The following NAPA variants were observed in gnomAD, a reference collection of about 807,000 sequenced individuals.
The protein encoded by NAPA is NSF attachment protein alpha, also known as alpha-soluble NSF attachment protein.
NAPA carries 18 observed loss-of-function variants against 48.0 expected under a neutral mutation model. That is an observed-to-expected ratio of 0.38 (90% CI 0.26 to 0.56). The LOEUF is 0.56. Ranked by LOEUF, NAPA falls within the 20% of genes least tolerant of loss-of-function variation. NAPA has a pLI of 0.77. For missense variants in NAPA, 315 were observed against 385.0 expected (o/e 0.82, Z 1.52); for synonymous variants, 152 against 149.9 (o/e 1.01, Z -0.10).
chr19:47,489,654 C>A, intron 10 of NAPA, 57 bp downstream of exon 10: 2 of 1,594,436 alleles, frequency 1.3e-6, no homozygotes, highest in Admixed American at 1.7e-5. Context: ...AGAAGGGCAG[C>A]TTTCCTAGGA....
rs1483586208 is a variant in NAPA at position 47,492,049 on chromosome 19, AG to A, written c.631del (p.Leu211SerfsTer33). The A allele has an allele frequency of 1.9e-6, 3 of 1,613,964 alleles. No homozygotes were observed. The highest frequency in any genetic ancestry group is 2.5e-6 in the Non-Finnish European group (3 of 1,179,976). On this transcript the variant is annotated frameshift_variant, in exon 8 of 11. Coordinates refer to ENST00000263354, the MANE Select transcript of NAPA (RefSeq NM_003827.4). LOFTEE classifies it high-confidence loss of function. ...SAKDYFFKAA[L>X]CHFCIDMLNA... ...GAGCATGTCGATGCAGAAGTGGCAG[AG>A]GGCCGCCTTGAAGAAGTAGTCTTTG...
rs1331702443 is a variant in NAPA at position 47,493,180 on chromosome 19, G to A, written c.421-6C>T. 1 of 1,583,488 alleles carries A rather than the reference G, an allele frequency of 6.3e-7. No individual in the cohort carries two copies. Among genetic ancestry groups the A allele is most frequent in the East Asian group, 2.2e-5 (1 of 44,554 alleles). On this transcript the variant is annotated splice_region_variant and splice_polypyrimidine_tract_variant and intron_variant, in intron 5 of 10. Coordinates refer to ENST00000263354, the MANE Select transcript of NAPA (RefSeq NM_003827.4). The surrounding 1 kb of genome is among the most constrained non-coding windows in gnomAD (Gnocchi z 6.4). Reference sequence around the variant, plus strand: ...TGCTCGTAGTGGGCAATGGCCTGGGGAGACACGGGGGATGGGTTCCAGGGG... The same window carrying A: ...TGCTCGTAGTGGGCAATGGCCTGGGAAGACACGGGGGATGGGTTCCAGGGG...
chr19:47,503,385 G>A (rs780146979), intron 2 of NAPA, 38 bp downstream of exon 2: 6 of 1,565,374 alleles, frequency 3.8e-6, no homozygotes, highest in East Asian at 2.2e-5. Flanking sequence ...GAGGGAGGAG[G>A]AGAGCACCTT....
Position 47,488,143 on chromosome 19 carries a change from C to T in NAPA, c.*145G>A. ...GCAGCCTGGGCCTCTGGCGCCCCTG[C>T]ATGCTGACCCCCGGTGCCACCTGCC... On this transcript the variant is annotated 3_prime_UTR_variant, in exon 11 of 11. Coordinates refer to ENST00000263354, the MANE Select transcript of NAPA (RefSeq NM_003827.4). 2.9e-6 allele frequency: 2 copies of T among 679,246 alleles called. No homozygotes were observed. The highest frequency in any genetic ancestry group is 5.0e-6 in the Non-Finnish European group (2 of 398,576). 42.1% of individuals were successfully genotyped at this position (679,246 alleles called of 1,614,324 possible).
At chr19:47,487,006 G>A (rs988257348), downstream of NAPA, among the ~76,000 whole-genome samples, 1 of 152,212 alleles carries the variant, frequency 6.6e-6, no homozygotes, top group Admixed American at 6.5e-5. Flanking sequence ...TCTGTAGCGA[G>A]GGGCCCTGCG....
downstream of NAPA, among the ~76,000 whole-genome samples, chr19:47,484,706 ATT>A (rs35425298): frequency 5.3e-4 from 69 of 129,104 alleles, no homozygotes; most frequent in Admixed American, 1.1e-3. Context: ...ACAGTTCACT[ATT>A]TTTTTTTTTT....
chr19:47,485,817 G>C (rs1027038564), downstream of NAPA, among the ~76,000 whole-genome samples: 3 of 152,240 alleles, frequency 2.0e-5, no homozygotes, highest in Admixed American at 1.3e-4. Flanking sequence ...CGTCAGTGCT[G>C]CTGTATTCCC....
At chr19:47,503,067 C>A (rs1402362523) in intron 2 of NAPA, among the ~76,000 whole-genome samples, 1 of 152,250 alleles carries the variant, frequency 6.6e-6, no homozygotes, top group Non-Finnish European at 1.5e-5. Flanking sequence ...ATCACCTGAA[C>A]ATCCTCCCCC....
chr19:47,502,403 G>A (rs1258605674), intron 2 of NAPA, among the ~76,000 whole-genome samples: 1 of 152,026 alleles, frequency 6.6e-6, no homozygotes, highest in Non-Finnish European at 1.5e-5. Flanking sequence ...TTCTCTAGAG[G>A]AATTTTCTAA....
chr19:47,484,799 G>A (rs896220507), downstream of NAPA, among the ~76,000 whole-genome samples: 1 of 151,050 alleles, frequency 6.6e-6, no homozygotes, highest in African/African-American at 2.4e-5. Context: ...CTGCCTCCTG[G>A]GTTCAAGCGA....
Position 47,488,319 on chromosome 19 carries a change from GTCT to G in NAPA, c.854_856del (p.Lys285del), listed in dbSNP as rs1486853724. 1.2e-6 allele frequency: 2 copies of G among 1,613,558 alleles called. No homozygotes were observed. The highest frequency in any genetic ancestry group is 1.3e-5 in the African/African-American group (1 of 74,930). ...CAGGTCCTCCTCATCGCCCTGGATG[GTCT>G]TCTTGATGCGCAGCAGCATGGTGGT... On this transcript the variant is annotated inframe_deletion, in exon 11 of 11. Transcript: ENST00000263354.
intron 1 of NAPA, among the ~76,000 whole-genome samples, chr19:47,507,607 C>T (rs1366896241): frequency 2.0e-5 from 3 of 152,180 alleles, no homozygotes; most frequent in African/African-American, 7.2e-5. Flanking sequence ...GCCCACTGCC[C>T]CAAGTCTCCA....
At chr19:47,509,909 T>TA in intron 1 of NAPA, among the ~76,000 whole-genome samples, 1 of 152,214 alleles carries the variant, frequency 6.6e-6, no homozygotes, top group Non-Finnish European at 1.5e-5. Context: ...TCCTTTTTCT[T>TA]AAAAGGTGTT....
intron 2 of NAPA, among the ~76,000 whole-genome samples, chr19:47,503,195 A>C (rs1968618210): frequency 6.6e-6 from 1 of 152,218 alleles, no homozygotes; most frequent in Non-Finnish European, 1.5e-5. Context: ...TAGGTCTAAT[A>C]ATCTATTTAT....
rs775030966 is a variant in NAPA at position 47,493,004 on chromosome 19, G to A, written c.518C>T (p.Ala173Val). Reference sequence around the variant, plus strand: ...GGCCTTCTGATACTGCTCCAGCAGCGCAGCGTAACCAGCCACCTTCAGCAG... The same window carrying A: ...GGCCTTCTGATACTGCTCCAGCAGCACAGCGTAACCAGCCACCTTCAGCAG... ...KCLLKVAGYA[A>V]LLEQYQKAID... is the part of the protein sequence containing the mutation. The change falls in exon 7 of 11, where the codon GCG becomes GTG. Residue 173 changes from alanine (A) to valine (V), a missense_variant. This residue lies in a region of NAPA where 5 missense variants were observed against 21.4 expected (regional missense o/e 0.23). Transcript: ENST00000263354. The surrounding 1 kb of genome is among the most constrained non-coding windows in gnomAD (Gnocchi z 6.4). The A allele has an allele frequency of 5.6e-6, 9 of 1,614,046 alleles. No individual in the cohort carries two copies. Among genetic ancestry groups the A allele is most frequent in the South Asian group, 1.1e-5 (1 of 91,090 alleles).
Position 47,488,311 on chromosome 19 carries a change from C to T in NAPA, c.865G>A (p.Gly289Ser). Residue 289 changes from glycine to serine, a missense_variant, in exon 11 of 11, where the codon GGC becomes AGC. Gly to Ser is a moderately conservative substitution (Grantham distance 56). Coordinates refer to ENST00000263354, the MANE Select transcript of NAPA (RefSeq NM_003827.4). ...MLLRIKKTIQ[G>S]DEEDLR ...GCTTAGCGCAGGTCCTCCTCATCGC[C>T]CTGGATGGTCTTCTTGATGCGCAGC... 1.2e-6 allele frequency: 2 copies of T among 1,613,546 alleles called. No homozygotes were observed. Among genetic ancestry groups the T allele is most frequent in the African/African-American group, 1.3e-5 (1 of 75,054 alleles).
chr19:47,506,217 C>T lies in NAPA; in HGVS notation c.99-2715G>A, dbSNP rs546293165. On this transcript the variant is annotated intron_variant, in intron 1 of 10. Transcript: ENST00000263354. This position sits in a 1 kb window ranked among gnomAD's most constrained non-coding sequence, Gnocchi z 4.0. ...TTCACCACGTTGGCCAGGCTGGTCT[C>T]GAACTCCTGACCTCAAGTGGTCCAC... is the stretch of plus-strand genomic sequence containing the variant. 6.8e-4 allele frequency among the ~76,000 whole-genome samples: 103 copies of T among 152,154 alleles called. No individual in the cohort carries two copies. The highest frequency in any genetic ancestry group is 2.4e-3 in the African/African-American group (99 of 41,530).
At chr19:47,488,443 C>A in intron 10 of NAPA, 54 bp from the exon 11 acceptor site, 6 of 1,437,024 alleles carry the variant, frequency 4.2e-6, no homozygotes, top group Non-Finnish European at 5.8e-6. Context: ...CCCAACCCTG[C>A]AGCCCAAGGG....
chr19:47,488,211 C>T lies in NAPA; in HGVS notation c.*77G>A. On this transcript the variant is annotated 3_prime_UTR_variant, in exon 11 of 11. Coordinates refer to ENST00000263354, the MANE Select transcript of NAPA (RefSeq NM_003827.4). ...CTCCCCAGATGGGAAAGGAGGGAAG[C>T]TCTCCAGCAAGTCTCGGCCCCACCT... 7.3e-7 allele frequency: 1 copy of T among 1,374,988 alleles called. No individual in the cohort carries two copies. Among genetic ancestry groups the T allele is most frequent in the Non-Finnish European group, 1.0e-6 (1 of 987,132 alleles). The allele number at this position is 1,374,988 out of a possible 1,614,324, so 85.2% of individuals were successfully genotyped here.
Sources: allele counts gnomAD v4.1 joint callset (sites outside exome capture counted in the v4.1 genomes callset), GRCh38; gene constraint gnomAD v4.1.1; regional missense constraint gnomAD v4.1.1; non-coding constraint Gnocchi (gnomAD v3.1); transcripts MANE v1.5; gene names NCBI Gene and HGNC (gene_info 2026-07-23, HGNC 2026-07-21).